The following SVIL variants were observed in gnomAD, a reference collection of about 807,000 sequenced individuals.
SVIL encodes archvillin.
In SVIL, 101 loss-of-function variants were observed where a neutral mutation model predicts 240.4. That is an observed-to-expected ratio of 0.42 (90% CI 0.36 to 0.50). The LOEUF (loss-of-function observed/expected upper bound fraction) is 0.50. Ranked by LOEUF, SVIL falls within the 20% of genes least tolerant of loss-of-function variation. The probability of loss-of-function intolerance (pLI) is 0.01; values close to 1 mark genes in which losing one functional copy is unlikely to be tolerated. For missense variants in SVIL, 2,512 were observed against 2,818.7 expected (o/e 0.89, Z 2.46); for synonymous variants, 999 against 1,100.0 (o/e 0.91, Z 1.82).
At chr10:29,526,278 T>C (rs1040609922) in intron 13 of SVIL, among the ~76,000 whole-genome samples, 6 of 150,664 alleles carry the variant, frequency 4.0e-5, no homozygotes, top group Non-Finnish European at 1.5e-5. Context: ...CTCATTTTTC[T>C]TTTTTTTTCT....
intron 2 of SVIL, among the ~76,000 whole-genome samples, chr10:29,663,763 G>A (rs1431112715): frequency 6.6e-6 from 1 of 152,228 alleles, no homozygotes; most frequent in East Asian, 1.9e-4. Context: ...TCATGGGCAT[G>A]AGCCCCATGC....
chr10:29,495,737 G>C (rs111650229), intron 18 of SVIL, among the ~76,000 whole-genome samples: 6,069 of 152,260 alleles, frequency 0.04, 131 homozygotes, highest in Middle Eastern at 0.051. Context: ...TCCATCTCCC[G>C]TGTGGGCAGA....
At chr10:29,572,100 T>C (rs1442860087) in intron 1 of SVIL, among the ~76,000 whole-genome samples, 1 of 152,202 alleles carries the variant, frequency 6.6e-6, no homozygotes. Flanking sequence ...GTTAGTATCC[T>C]GTGTTCAAAC....
rs150761422 is a variant in SVIL, at chr10:29,552,985, G to A, written c.161-1722C>T. 2.9e-3 allele frequency among the ~76,000 whole-genome samples: 443 copies of A among 152,106 alleles called. 3 individuals are homozygous for A. The highest frequency in any genetic ancestry group is 0.01 in the African/African-American group (420 of 41,510). Reference sequence around the variant, plus strand: ...TGATCTGTGTATTGATATTTCAAGCGTGTAATTACTTTTTAAGAGGTGGAG... The same window carrying A: ...TGATCTGTGTATTGATATTTCAAGCATGTAATTACTTTTTAAGAGGTGGAG... On this transcript the variant is annotated intron_variant, in intron 5 of 37. Transcript: ENST00000355867.
chr10:29,616,446 C>G (rs1207843234), intron 1 of SVIL, among the ~76,000 whole-genome samples: 2 of 152,280 alleles, frequency 1.3e-5, no homozygotes, highest in East Asian at 3.9e-4. Context: ...ATACAATAAA[C>G]TGACATACAA....
In SVIL at chr10:29,700,764, C is replaced by T. The variant is rs1378225510; in HGVS notation, c.-399-14113G>A. On this transcript the variant is annotated intron_variant, in intron 1 of 35. Transcript: ENST00000375400. The stretch of plus-strand genomic sequence containing the variant: ...CTGGGATTACAGGCGTGAGTCACTG[C>T]GCCTGGCCACTATTTCCATTCTTTA... Among the ~76,000 whole-genome samples the T allele has an allele frequency of 5.9e-5, 9 of 152,282 alleles. No individual in the cohort carries two copies. The East Asian group carries it at 7.7e-4, about 13-fold the overall frequency.
intron 1 of SVIL, among the ~76,000 whole-genome samples, chr10:29,705,518 G>A (rs780242138): frequency 2.0e-5 from 3 of 151,864 alleles, no homozygotes; most frequent in Non-Finnish European, 4.4e-5. Flanking sequence ...AGTGCAGAAT[G>A]TGCAGGTTTA....
intron 22 of SVIL, among the ~76,000 whole-genome samples, chr10:29,489,945 T>C (rs1457774896): frequency 6.6e-6 from 1 of 152,216 alleles, no homozygotes; most frequent in Admixed American, 6.5e-5. Flanking sequence ...AATAGGTCTA[T>C]GAGTGTTATG....
In SVIL at chr10:29,516,775, C is replaced by T. The variant is rs556346524; in HGVS notation, c.3390-3914G>A. On this transcript the variant is annotated intron_variant, in intron 16 of 37. Coordinates refer to ENST00000355867, the MANE Select transcript of SVIL (RefSeq NM_021738.3). ...CGTGACAGGTGCCTGCCAGGACACCCGGGGAAACGGTGCCTCCTCTTCCAT... is the reference window on the plus strand; with the variant it reads ...CGTGACAGGTGCCTGCCAGGACACCTGGGGAAACGGTGCCTCCTCTTCCAT... 8.1e-4 allele frequency among the ~76,000 whole-genome samples: 123 copies of T among 152,308 alleles called. 2 individuals carry two copies. The highest frequency in any genetic ancestry group is 6.2e-4 in the Non-Finnish European group (42 of 68,020).
intron 2 of SVIL, among the ~76,000 whole-genome samples, chr10:29,663,790 G>C (rs1564745403): frequency 6.6e-6 from 1 of 152,242 alleles, no homozygotes; most frequent in East Asian, 1.9e-4. Context: ...AAGAGATGCG[G>C]AAAGACTGAC....
At position 29,490,987 on chromosome 10, in the gene SVIL, G is replaced by A. The variant is rs149760829; in HGVS notation, c.4052C>T (p.Ala1351Val). 6.2e-7 allele frequency: 1 copy of A among 1,613,802 alleles called. No individual in the cohort carries two copies. Among genetic ancestry groups the A allele is most frequent in the African/African-American group, 1.3e-5 (1 of 74,930 alleles). The change falls in exon 22 of 38, where the codon GCA (alanine) becomes GTA (valine). Residue 1351 changes from alanine (A) to valine (V), a missense_variant. Physicochemically the swap from Ala to Val is moderately conservative, Grantham distance 64 (BLOSUM62 0). This residue lies in a region of SVIL where 272 missense variants were observed against 406.8 expected (regional missense o/e 0.67). Transcript: ENST00000355867. ...LTSSVAEHKR[A>V]VRPKRRVQAS... ...CTGAACCCGGCGCTTGGGCCTAACT[G>A]CCCGCTTGTGCTCGGCCACGGAAGA...
At chr10:29,732,526 T>A (rs999018345) in intron 1 of SVIL, among the ~76,000 whole-genome samples, 16 of 152,238 alleles carry the variant, frequency 1.1e-4, no homozygotes, top group Admixed American at 7.2e-4. Context: ...GGTTGCTCAT[T>A]AATTGTTCAG....
At chr10:29,478,766 A>AT in intron 29 of SVIL, among the ~76,000 whole-genome samples, 1 of 151,794 alleles carries the variant, frequency 6.6e-6, no homozygotes, top group East Asian at 1.9e-4. Flanking sequence ...TAAAAAAAAA[A>AT]AGAAAAAATT....
At chr10:29,533,535 A>G in intron 7 of SVIL, 77 bp from the exon 8 acceptor site, 1 of 1,501,470 alleles carries the variant, frequency 6.7e-7, no homozygotes, top group African/African-American at 1.4e-5. Flanking sequence ...TAGATCACAG[A>G]TTACCAGTGA....
At chr10:29,644,111 C>T in intron 3 of SVIL, 3 of 458,262 alleles carry the variant, frequency 6.5e-6, no homozygotes, top group Middle Eastern at 3.3e-4. Context: ...AGCAGCAGCT[C>T]ACTGCACGAA....
chr10:29,722,463 A>G (rs980051040), intron 1 of SVIL, among the ~76,000 whole-genome samples: 2 of 152,210 alleles, frequency 1.3e-5, no homozygotes, highest in African/African-American at 4.8e-5. Context: ...AAAACATGGC[A>G]ATATTATACC....
rs1951457848 is a variant in SVIL, at chr10:29,532,663, C to T, written c.1704G>A (p.Arg568=). 2 of 1,614,058 alleles carry T rather than the reference C, an allele frequency of 1.2e-6. No individual in the cohort carries two copies. ...TGGAGCTGGGCAGCTCCAGCTCTCT[C>T]CTGGAAGCTGGGTCCTTATACTTCA... ...QALKYKDPAS[R]RELELPSSKT... Residue 568 remains arginine, a synonymous_variant, in exon 8 of 38, where the codon AGG becomes AGA. Transcript: ENST00000355867.
intron 29 of SVIL, among the ~76,000 whole-genome samples, chr10:29,476,832 TA>T (rs1340824463): frequency 1.3e-5 from 2 of 152,176 alleles, no homozygotes; most frequent in African/African-American, 4.8e-5. Context: ...TTTGGCAATA[TA>T]AAGATTAAAT....
intron 31 of SVIL, among the ~76,000 whole-genome samples, chr10:29,470,746 C>T (rs1457218358): frequency 6.6e-6 from 1 of 152,040 alleles, no homozygotes; most frequent in Non-Finnish European, 1.5e-5. Flanking sequence ...AGCCATTTTC[C>T]CAAGATTTAT....
Sources: gnomAD v4.1 joint callset for allele counts (sites outside exome capture counted in the v4.1 genomes callset) on GRCh38, gnomAD v4.1.1 for gene constraint, gnomAD v4.1.1 regional missense constraint, MANE v1.5 for transcripts, NCBI Gene and HGNC (gene_info 2026-07-23, HGNC 2026-07-21) for gene names.